Variants in DNM1L observed in about 807,000 individuals in gnomAD.
DNM1L encodes the protein dynamin 1L, also known as dynamin-1-like protein.
A neutral mutation model predicts 92.8 loss-of-function variants in DNM1L; 33 were observed. The observed-to-expected ratio is 0.36, with a 90% confidence interval of 0.27 to 0.48. The LOEUF (loss-of-function observed/expected upper bound fraction) is 0.48. DNM1L is among the 20% of genes least tolerant of loss of function. The pLI is 0.99. For missense variants in DNM1L, 485 were observed against 888.8 expected, an observed-to-expected ratio of 0.55 and a Z score of 5.78; for synonymous variants, 284 against 305.0, an observed-to-expected ratio of 0.93 and a Z score of 0.72.
At chr12:32,691,238 C>T (rs1952218501) in intron 1 of DNM1L, among the ~76,000 whole-genome samples, 2 of 151,980 alleles carry the variant, frequency 1.3e-5, no homozygotes, top group Admixed American at 6.6e-5. Flanking sequence ...GGCCCAGCAC[C>T]CCAGTAGCCT....
rs1284463739 is a variant in DNM1L at position 32,708,167 on chromosome 12, T to G, written c.312T>G (p.Phe104Leu). 1.2e-6 allele frequency: 2 copies of G among 1,603,422 alleles called. No homozygotes were observed. Among genetic ancestry groups the G allele is most frequent in the South Asian group, 2.2e-5 (2 of 90,366 alleles). Reference protein sequence around the residue: ...LHTKNKLYTDFDEIRQEIENE... With the variant: ...LHTKNKLYTDLDEIRQEIENE... ...AAAATTTTTAGCTTTACACGGATTT[T>G]GATGAAATTCGACAAGAAATTGAAA... Residue 104 changes from phenylalanine to leucine, a missense_variant, in exon 4 of 20, where the codon TTT (phenylalanine) becomes TTG (leucine). Physicochemically the swap from Phe to Leu is conservative, Grantham distance 22 (BLOSUM62 0). This residue lies in a region of DNM1L where 159 missense variants were observed against 275.9 expected (regional missense o/e 0.58). Coordinates refer to ENST00000549701, the MANE Select transcript of DNM1L (RefSeq NM_012062.5).
intron 5 of DNM1L, among the ~76,000 whole-genome samples, chr12:32,712,854 A>T (rs1217265505): frequency 6.6e-6 from 1 of 152,114 alleles, no homozygotes; most frequent in Non-Finnish European, 1.5e-5. Flanking sequence ...CTACTGTAAC[A>T]TAATCTGACA....
intron 6 of DNM1L, among the ~76,000 whole-genome samples, chr12:32,718,223 C>T (rs1293389259): frequency 1.2e-4 from 18 of 149,068 alleles, no homozygotes; most frequent in Admixed American, 1.1e-3. Flanking sequence ...CTCACTGCAA[C>T]CTCTGCCTCT....
chr12:32,712,876 C>T (rs563303590), intron 5 of DNM1L, among the ~76,000 whole-genome samples: 9 of 151,974 alleles, frequency 5.9e-5, no homozygotes, highest in Non-Finnish European at 1.0e-4. Context: ...GACCTGAAAT[C>T]ACGTTCAGAA....
chr12:32,736,065 ATC>A (rs1565539422), intron 13 of DNM1L, among the ~76,000 whole-genome samples: 2 of 141,560 alleles, frequency 1.4e-5, no homozygotes, highest in African/African-American at 2.7e-5. Flanking sequence ...TATCTTCATA[ATC>A]TTTTTTTTTT....
chr12:32,739,257 G>T (rs1592685530), intron 16 of DNM1L, among the ~76,000 whole-genome samples: 1 of 151,184 alleles, frequency 6.6e-6, no homozygotes, highest in South Asian at 2.1e-4. Flanking sequence ...TTTTTAGATT[G>T]TAAGATCTTA....
rs569239972 is a variant in DNM1L, at chr12:32,727,230, T to TAG, written c.1080-3780_1080-3779dup. ...AGATTGCTTATCAAATAGAGGCTGA[T>TAG]AGAGAACAGCATACTTCCTTTCAAG... On this transcript the variant is annotated intron_variant, in intron 9 of 19. Coordinates refer to ENST00000549701, the MANE Select transcript of DNM1L (RefSeq NM_012062.5). 622 of 1,430,696 alleles carry TAG rather than the reference T, an allele frequency of 4.3e-4. 5 individuals are homozygous for TAG. The African/African-American group carries it at 7.4e-3, about 17-fold the overall frequency. The allele number at this position is 1,430,696 out of a possible 1,614,324, so 88.6% of individuals were successfully genotyped here. A position where few individuals can be genotyped will look rare whatever the true frequency, so the allele number is the denominator to read the frequency against.
chr12:32,693,803 A>C (rs769091104), intron 1 of DNM1L, among the ~76,000 whole-genome samples: 3 of 151,666 alleles, frequency 2.0e-5, no homozygotes, highest in Non-Finnish European at 4.4e-5. Flanking sequence ...TTGCCTGGCT[A>C]ATTTTTTTAT....
chr12:32,735,068 GTTTT>G (rs1048642911), intron 13 of DNM1L, among the ~76,000 whole-genome samples: 2 of 151,952 alleles, frequency 1.3e-5, no homozygotes, highest in Non-Finnish European at 2.9e-5. Context: ...AAAGGATTTA[GTTTT>G]TTTTACATTG....
intron 6 of DNM1L, among the ~76,000 whole-genome samples, chr12:32,714,482 C>T (rs1953273553): frequency 6.6e-6 from 1 of 151,660 alleles, no homozygotes; most frequent in Admixed American, 6.6e-5. Context: ...CCGTGTTAGC[C>T]AGGATGGTCT....
intron 9 of DNM1L, chr12:32,727,592 G>T: frequency 2.0e-6 from 1 of 491,788 alleles, no homozygotes; most frequent in Non-Finnish European, 3.6e-6. Flanking sequence ...CATTGACCTA[G>T]GCATTTTTGT....
At chr12:32,701,304 T>G in intron 1 of DNM1L, 111 bp from the exon 2 acceptor site, 1 of 953,618 alleles carries the variant, frequency 1.0e-6, no homozygotes, top group Non-Finnish European at 1.6e-6. Flanking sequence ...GTCTCTGCAC[T>G]AATTTTTCCT....
chr12:32,727,032 T>G, intron 9 of DNM1L: 2 of 738,890 alleles, frequency 2.7e-6, no homozygotes, highest in East Asian at 5.1e-5. Flanking sequence ...GTCAACATTC[T>G]TAAAAACAGG....
At chr12:32,736,312 G>C (rs1325570845) in intron 13 of DNM1L, among the ~76,000 whole-genome samples, 2 of 151,942 alleles carry the variant, frequency 1.3e-5, no homozygotes, top group Non-Finnish European at 2.9e-5. Flanking sequence ...CAAGTGATCT[G>C]CCCACCTTGG....
intron 19 of DNM1L, 32 bp downstream of exon 19, chr12:32,742,780 G>T: frequency 1.2e-6 from 2 of 1,612,654 alleles, no homozygotes; most frequent in Non-Finnish European, 1.7e-6. Context: ...TTTATACTTG[G>T]GTAGTAGATA....
In DNM1L at chr12:32,731,728, G is replaced by A; in HGVS notation, c.1357-126G>A. 1.0e-6 allele frequency: 1 copy of A among 980,544 alleles called. No individual in the cohort carries two copies. Among genetic ancestry groups the A allele is most frequent in the Non-Finnish European group, 1.6e-6 (1 of 639,628 alleles). 60.7% of individuals were successfully genotyped at this position (980,544 alleles called of 1,614,324 possible). A position where few individuals can be genotyped will look rare whatever the true frequency, so the allele number is the denominator to read the frequency against. ...GTAAAAGAAAATGACTGTTAGCCTG[G>A]CATGGTGGCTTCTACATGTAGTCTC... On this transcript the variant is annotated intron_variant, in intron 11 of 19. Coordinates refer to ENST00000549701, the MANE Select transcript of DNM1L (RefSeq NM_012062.5). This position sits in a 1 kb window ranked among gnomAD's most constrained non-coding sequence, Gnocchi z 5.1.
At chr12:32,703,118 G>A (rs1178956616) in intron 2 of DNM1L, among the ~76,000 whole-genome samples, 4 of 147,156 alleles carry the variant, frequency 2.7e-5, no homozygotes, top group African/African-American at 1.0e-4. Context: ...ATGATATCCT[G>A]TCTCTCAGAA....
Position 32,743,882 on chromosome 12 carries a change from A to G in DNM1L, c.*472A>G, listed in dbSNP as rs575452415. 4 of 164,082 alleles carry G rather than the reference A, an allele frequency of 2.4e-5. No individual in the cohort carries two copies. In the South Asian group the frequency reaches 4.9e-4, roughly 20 times the overall value. 10.2% of individuals were successfully genotyped at this position (164,082 alleles called of 1,614,324 possible). ...ATGTGAGTTGGCAAGTTCCTCACAT[A>G]GAGTCATTGTATTCCACCTGTCCTT... On this transcript the variant is annotated 3_prime_UTR_variant, in exon 20 of 20. Transcript: ENST00000549701.
chr12:32,717,880 TATA>T, intron 6 of DNM1L, among the ~76,000 whole-genome samples: 1 of 110,998 alleles, frequency 9.0e-6, no homozygotes, highest in African/African-American at 3.7e-5. Context: ...ATATACTATA[TATA>T]TTTATATATA....
Sources: allele counts gnomAD v4.1 joint callset (sites outside exome capture counted in the v4.1 genomes callset), GRCh38; gene constraint gnomAD v4.1.1; regional missense constraint gnomAD v4.1.1; non-coding constraint Gnocchi (gnomAD v3.1); transcripts MANE v1.5; gene names NCBI Gene and HGNC (gene_info 2026-07-23, HGNC 2026-07-21).